Variants in PPARGC1A observed in about 807,000 individuals in gnomAD.
PPARGC1A encodes peroxisome proliferator-activated receptor gamma coactivator 1-alpha.
PPARGC1A carries 25 observed loss-of-function variants against 88.7 expected under a neutral mutation model. The observed-to-expected ratio is 0.28, with a 90% CI of 0.21 to 0.39. The LOEUF (loss-of-function observed/expected upper bound fraction) is 0.39. PPARGC1A is among the 10% of genes least tolerant of loss of function. The pLI, the probability that PPARGC1A is intolerant of heterozygous loss-of-function variation, is 1.00. For synonymous variants in PPARGC1A, 363 were observed against 355.6 expected, an observed-to-expected ratio of 1.02 and a Z score of -0.24; for missense variants, 880 against 968.7, an observed-to-expected ratio of 0.91 and a Z score of 1.22.
the PPARGC1A span, among the ~76,000 whole-genome samples, chr4:23,972,832 T>C: frequency 6.6e-6 from 1 of 152,188 alleles, no homozygotes; most frequent in African/African-American, 2.4e-5. Flanking sequence ...AACATTATTC[T>C]ATTGGAAGAT....
the PPARGC1A span, among the ~76,000 whole-genome samples, chr4:23,980,930 G>C: frequency 1.3e-5 from 2 of 152,078 alleles, no homozygotes. Flanking sequence ...ATAAGGTCCT[G>C]GGTGACCGTG....
At chr4:24,276,851 G>A in the PPARGC1A span, among the ~76,000 whole-genome samples, 3 of 152,286 alleles carry the variant, frequency 2.0e-5, no homozygotes, top group South Asian at 6.2e-4. Context: ...TGGAGCACAC[G>A]TGAGTAGACC....
intron 1 of PPARGC1A, among the ~76,000 whole-genome samples, chr4:23,886,751 CCAAA>C (rs1217491211): frequency 6.6e-6 from 1 of 151,706 alleles, no homozygotes; most frequent in Non-Finnish European, 1.5e-5. Flanking sequence ...TCCTCCAAGC[CCAAA>C]CACACTATCT....
At chr4:24,421,291 T>C in the PPARGC1A span, among the ~76,000 whole-genome samples, 1 of 151,294 alleles carries the variant, frequency 6.6e-6, no homozygotes, top group East Asian at 1.9e-4. Context: ...TTATCTAGAA[T>C]TCAAGTTTAA....
chr4:23,895,974 GTGTGTGTA>G (rs1311202626), intron 1 of PPARGC1A, among the ~76,000 whole-genome samples: 18 of 77,302 alleles, frequency 2.3e-4, no homozygotes, highest in African/African-American at 7.1e-4. Flanking sequence ...GTGTGTGTGT[GTGTGTGTA>G]TATATATATA....
At chr4:24,351,056 C>A in the PPARGC1A span, among the ~76,000 whole-genome samples, 118 of 152,028 alleles carry the variant, frequency 7.8e-4, no homozygotes, top group African/African-American at 2.8e-3. Context: ...CTTGGTGAAA[C>A]CCCGTCTCTA....
the PPARGC1A span, among the ~76,000 whole-genome samples, chr4:24,442,276 C>A: frequency 6.6e-6 from 1 of 151,890 alleles, no homozygotes; most frequent in African/African-American, 2.4e-5. Context: ...TCTAAAAACT[C>A]AAAAAGAAAA....
At chr4:24,208,870 T>C in the PPARGC1A span, among the ~76,000 whole-genome samples, 1 of 152,104 alleles carries the variant, frequency 6.6e-6, no homozygotes, top group African/African-American at 2.4e-5. Flanking sequence ...TGAGAGTGTT[T>C]TCTTCTTTAT....
the PPARGC1A span, among the ~76,000 whole-genome samples, chr4:23,927,255 T>C: frequency 6.6e-6 from 1 of 152,304 alleles, no homozygotes; most frequent in East Asian, 1.9e-4. Context: ...GAAGTATGGT[T>C]TCTACTGAAT....
chr4:23,984,780 GAGT>G, the PPARGC1A span, among the ~76,000 whole-genome samples: 2 of 152,074 alleles, frequency 1.3e-5, no homozygotes, highest in African/African-American at 4.8e-5. Context: ...GAAGTGCAGA[GAGT>G]AGGAATGATT....
intron 2 of PPARGC1A, among the ~76,000 whole-genome samples, chr4:23,880,239 G>T (rs912185739): frequency 6.6e-6 from 1 of 152,056 alleles, no homozygotes; most frequent in Non-Finnish European, 1.5e-5. Context: ...ACACAGCCTT[G>T]CATGGTTTCC....
At chr4:24,014,113 G>C in the PPARGC1A span, among the ~76,000 whole-genome samples, 5 of 152,254 alleles carry the variant, frequency 3.3e-5, no homozygotes, top group East Asian at 7.7e-4. Flanking sequence ...TTTTCAAACC[G>C]AGAGCAACCT....
the PPARGC1A span, among the ~76,000 whole-genome samples, chr4:24,063,364 A>G: frequency 2.3e-4 from 35 of 152,136 alleles, no homozygotes; most frequent in African/African-American, 8.4e-4. Flanking sequence ...TTCAGGGCAC[A>G]CTCTGTTTTC....
chr4:24,247,050 C>T, the PPARGC1A span, among the ~76,000 whole-genome samples: 2 of 152,208 alleles, frequency 1.3e-5, no homozygotes, highest in Non-Finnish European at 2.9e-5. Context: ...TTCCTTGAGT[C>T]TTGGAGCATA....
the PPARGC1A span, among the ~76,000 whole-genome samples, chr4:24,290,698 T>G: frequency 6.6e-6 from 1 of 152,090 alleles, no homozygotes; most frequent in Non-Finnish European, 1.5e-5. Flanking sequence ...AGAATGATGC[T>G]TGGCACATAG....
chr4:24,411,217 G>A, the PPARGC1A span, among the ~76,000 whole-genome samples: 1 of 152,308 alleles, frequency 6.6e-6, no homozygotes, highest in East Asian at 1.9e-4. Context: ...CACCCCAGGA[G>A]GAAGAAGAGA....
the PPARGC1A span, among the ~76,000 whole-genome samples, chr4:24,113,872 C>T: frequency 6.6e-6 from 1 of 151,928 alleles, no homozygotes; most frequent in Non-Finnish European, 1.5e-5. Flanking sequence ...ACCTGTAATC[C>T]CAGCACTTTG....
chr4:24,267,497 C>T, the PPARGC1A span, among the ~76,000 whole-genome samples: 3 of 152,154 alleles, frequency 2.0e-5, no homozygotes, highest in Non-Finnish European at 4.4e-5. Flanking sequence ...ATAACATATT[C>T]ATTGGCTCCT....
At chr4:23,943,238 A>G in the PPARGC1A span, among the ~76,000 whole-genome samples, 4 of 152,294 alleles carry the variant, frequency 2.6e-5, no homozygotes, top group South Asian at 8.3e-4. Flanking sequence ...TGCCCACTAC[A>G]TGCTTAAATT....
Sources: allele counts gnomAD v4.1 joint callset (sites outside exome capture counted in the v4.1 genomes callset), GRCh38; gene constraint gnomAD v4.1.1; transcripts MANE v1.5; gene names NCBI Gene and HGNC (gene_info 2026-07-23, HGNC 2026-07-21).